FAM13A: variants seen among roughly 807,000 people sequenced by gnomAD.
FAM13A encodes family with sequence similarity 13 member A.
Under a neutral mutation model 129.6 loss-of-function variants are expected in FAM13A, and 76 were observed. The observed-to-expected ratio is 0.59, with a 90% CI of 0.49 to 0.71. The LOEUF is 0.71. Ranked by LOEUF, FAM13A falls within the 30% of genes least tolerant of loss-of-function variation. FAM13A has a pLI of 0.00. For missense variants in FAM13A, 1,108 were observed against 1,249.3 expected (o/e 0.89, Z 1.70); for synonymous variants, 443 against 449.9 (o/e 0.98, Z 0.20).
intron 7 of FAM13A, among the ~76,000 whole-genome samples, chr4:88,833,230 A>G (rs936433374): frequency 1.3e-5 from 2 of 152,102 alleles, no homozygotes; most frequent in Admixed American, 6.6e-5. Context: ...GGCCTGTTGG[A>G]GGGAGGGAGT....
chr4:88,915,532 T>C (rs1249599315), intron 5 of FAM13A, among the ~76,000 whole-genome samples: 1 of 152,224 alleles, frequency 6.6e-6, no homozygotes, highest in East Asian at 1.9e-4. Flanking sequence ...ATATACCTTA[T>C]GAAACACAAT....
chr4:89,028,325 C>T (rs766377934), intron 2 of FAM13A, among the ~76,000 whole-genome samples: 1 of 151,744 alleles, frequency 6.6e-6, no homozygotes, highest in Non-Finnish European at 1.5e-5. Context: ...AAAACCAAAC[C>T]ATGCATAAGG....
intron 4 of FAM13A, among the ~76,000 whole-genome samples, chr4:88,945,499 T>C (rs948804483): frequency 6.6e-6 from 1 of 152,066 alleles, no homozygotes; most frequent in Admixed American, 6.6e-5. Flanking sequence ...TTCTTTCTCT[T>C]GGAAGGGTAA....
chr4:88,868,857 A>T (rs1740888165), intron 6 of FAM13A, among the ~76,000 whole-genome samples: 1 of 152,186 alleles, frequency 6.6e-6, no homozygotes. Context: ...TACTACAGAG[A>T]TGATTATGCT....
intron 14 of FAM13A, among the ~76,000 whole-genome samples, chr4:88,754,485 G>T (rs1051618575): frequency 1.1e-4 from 16 of 152,168 alleles, no homozygotes; most frequent in African/African-American, 3.9e-4. Context: ...AATCTGCACA[G>T]AATTAAGGGG....
intron 5 of FAM13A, among the ~76,000 whole-genome samples, chr4:88,928,067 T>C (rs1329269124): frequency 6.6e-6 from 1 of 152,168 alleles, no homozygotes; most frequent in Non-Finnish European, 1.5e-5. Flanking sequence ...ATTTAAAATT[T>C]CTGTCTTAAT....
intron 1 of FAM13A, among the ~76,000 whole-genome samples, chr4:89,047,506 C>CA (rs903214889): frequency 4.0e-5 from 6 of 151,872 alleles, no homozygotes; most frequent in Non-Finnish European, 5.9e-5. Flanking sequence ...CCAGACCAAA[C>CA]AAAAAAAGTT....
rs1333074181 is a variant in FAM13A, at chr4:88,874,928, G to A, written c.844-23745C>T. The stretch of plus-strand genomic sequence containing the variant: ...ACAGTAACCAAAACAGCATGGTACT[G>A]GTACCAAAACAGAGATATAGATCAA... On this transcript the variant is annotated intron_variant, in intron 6 of 23. Transcript: ENST00000264344. Among the ~76,000 whole-genome samples the A allele has an allele frequency of 3.9e-5, 6 of 152,154 alleles. No homozygotes were observed. The South Asian group carries it at 1.0e-3, about 26-fold the overall frequency.
chr4:88,781,308 G>A lies in FAM13A; in HGVS notation c.1315C>T (p.Leu439Phe). The change falls in exon 11 of 24, where the codon CTT becomes TTT. Residue 439 changes from leucine to phenylalanine, a missense_variant. Transcript: ENST00000264344. ...KENTPSGFNH[L>F]DDCILNTQEV... ...TGAGTATTCAAAATACAATCATCAA[G>A]GTGGTTGAACCCAGAAGGAGTATTT... 6.2e-7 allele frequency: 1 copy of A among 1,611,428 alleles called. No homozygotes were observed. The highest frequency in any genetic ancestry group is 8.5e-7 in the Non-Finnish European group (1 of 1,178,746).
chr4:88,760,770 G>A (rs1744663095), intron 13 of FAM13A, among the ~76,000 whole-genome samples: 1 of 151,932 alleles, frequency 6.6e-6, no homozygotes, highest in African/African-American at 2.4e-5. Context: ...AGGGTTAAAT[G>A]CCCAAATCTA....
intron 8 of FAM13A, among the ~76,000 whole-genome samples, chr4:88,802,339 A>G (rs147770151): frequency 6.6e-6 from 1 of 152,330 alleles, no homozygotes; most frequent in East Asian, 1.9e-4. Flanking sequence ...TTAACTTGCT[A>G]CATGGAATGG....
intron 8 of FAM13A, among the ~76,000 whole-genome samples, chr4:88,799,902 T>A (rs1275975026): frequency 6.6e-6 from 1 of 152,218 alleles, no homozygotes; most frequent in African/African-American, 2.4e-5. Flanking sequence ...GGAAGCAACC[T>A]AAGTGTCTAT....
rs1041511036 is a variant in FAM13A at position 88,965,272 on chromosome 4, A to G, written c.605+25701T>C. Among the ~76,000 whole-genome samples the G allele has an allele frequency of 2.2e-4, 34 of 152,308 alleles. No individual in the cohort carries two copies. The South Asian group carries it at 2.9e-3, about 13-fold the overall frequency. ...CTGCTGATTACTCATGAACTATATA[A>G]GGTGATCCAAAGTAGACTCTGGGTT... is the stretch of plus-strand genomic sequence containing the variant. On this transcript the variant is annotated intron_variant, in intron 4 of 23. Transcript: ENST00000264344.
chr4:88,966,093 T>C (rs1759313457), intron 4 of FAM13A, among the ~76,000 whole-genome samples: 1 of 152,218 alleles, frequency 6.6e-6, no homozygotes, highest in Admixed American at 6.5e-5. Flanking sequence ...ATGTGGTAGT[T>C]CTATTTTTAA....
intron 4 of FAM13A, among the ~76,000 whole-genome samples, chr4:88,969,673 T>C (rs192613548): frequency 6.6e-6 from 1 of 152,336 alleles, no homozygotes; most frequent in Admixed American, 6.5e-5. Flanking sequence ...ATTTACTGAG[T>C]GTATACTATG....
intron 6 of FAM13A, among the ~76,000 whole-genome samples, chr4:88,899,569 T>G (rs185868572): frequency 6.6e-6 from 1 of 152,248 alleles, no homozygotes; most frequent in African/African-American, 2.4e-5. Flanking sequence ...GTAGGCATTC[T>G]ATTCAAATGA....
At chr4:88,886,355 G>A (rs777037245) in intron 6 of FAM13A, among the ~76,000 whole-genome samples, 40 of 152,282 alleles carry the variant, frequency 2.6e-4, no homozygotes, top group Non-Finnish European at 5.1e-4. Flanking sequence ...TTGGGAGGCC[G>A]AGGCAGGCAG....
At chr4:88,811,914 G>C (rs1159908177) in intron 7 of FAM13A, among the ~76,000 whole-genome samples, 2 of 152,150 alleles carry the variant, frequency 1.3e-5, no homozygotes, top group African/African-American at 2.4e-5. Flanking sequence ...CCTTTAAGAG[G>C]TGATTACTTA....
In FAM13A at chr4:89,020,491, C is replaced by T. The variant is rs147082682; in HGVS notation, c.396G>A (p.Ala132=). Residue 132 remains alanine (A), a synonymous_variant, in exon 3 of 24, where the codon GCG becomes GCA. Coordinates refer to ENST00000264344, the MANE Select transcript of FAM13A (RefSeq NM_014883.4). ...AGAGTTGAATGAATCGAGGCTGCAA[C>T]GCTGAGGTGATCAGACTGTCAGGCA... ...RELPDSLITS[A]LQPRFIQLFQ... The T allele has an allele frequency of 2.9e-5, 46 of 1,613,798 alleles. No individual in the cohort carries two copies. Among genetic ancestry groups the T allele is most frequent in the East Asian group, 4.5e-5 (2 of 44,892 alleles).
Sources: allele counts gnomAD v4.1 joint callset (sites outside exome capture counted in the v4.1 genomes callset), GRCh38; gene constraint gnomAD v4.1.1; transcripts MANE v1.5; gene names NCBI Gene and HGNC (gene_info 2026-07-23, HGNC 2026-07-21).